Variants in TLK1 observed in about 807,000 individuals in gnomAD.
TLK1 encodes the protein serine/threonine-protein kinase tousled-like 1.
Under a neutral mutation model 105.3 loss-of-function variants are expected in TLK1, and 24 were observed. The observed-to-expected ratio is 0.23, with a 90% CI of 0.17 to 0.32. The LOEUF (loss-of-function observed/expected upper bound fraction) is 0.32. Among genes scored for constraint, TLK1 ranks in the 10% least tolerant of loss-of-function variants. The probability of loss-of-function intolerance (pLI) is 1.00; values close to 1 mark genes in which losing one functional copy is unlikely to be tolerated. For missense variants in TLK1, 558 were observed against 910.5 expected (o/e 0.61, Z 4.98); for synonymous variants, 321 against 310.4 (o/e 1.03, Z -0.36).
chr2:171,000,375 TCAA>T (rs1559333254), intron 18 of TLK1, among the ~76,000 whole-genome samples: 1 of 39,710 alleles, frequency 2.5e-5, no homozygotes, highest in Non-Finnish European at 4.5e-5. Context: ...CGAAACTCTG[TCAA>T]AAAAAAAAAA....
intron 1 of TLK1, among the ~76,000 whole-genome samples, chr2:171,147,377 C>T (rs1221722138): frequency 6.6e-6 from 1 of 152,124 alleles, no homozygotes; most frequent in South Asian, 2.1e-4. Context: ...AAAATACTCG[C>T]CCCCTTTGCC....
At chr2:171,085,873 A>G (rs780707217) in intron 2 of TLK1, among the ~76,000 whole-genome samples, 4 of 152,238 alleles carry the variant, frequency 2.6e-5, no homozygotes, top group African/African-American at 9.6e-5. Context: ...ATGCATGCAA[A>G]GTTAATAGTA....
chr2:171,194,391 T>C (rs1693219752), intron 1 of TLK1, among the ~76,000 whole-genome samples: 1 of 152,252 alleles, frequency 6.6e-6, no homozygotes, highest in African/African-American at 2.4e-5. Context: ...GTGATGTTTT[T>C]TCCCATACAT....
intron 1 of TLK1, among the ~76,000 whole-genome samples, chr2:171,145,339 C>A (rs1470802198): frequency 6.6e-6 from 1 of 151,950 alleles, no homozygotes; most frequent in Non-Finnish European, 1.5e-5. Context: ...CACCTGTAAT[C>A]CCAGCACTTT....
chr2:171,218,264 C>A (rs1055380949), intron 1 of TLK1, among the ~76,000 whole-genome samples: 1 of 151,802 alleles, frequency 6.6e-6, no homozygotes, highest in African/African-American at 2.4e-5. Flanking sequence ...AACAAACAAA[C>A]AAACAACAAC....
At chr2:171,190,221 G>A (rs1693119094) in intron 1 of TLK1, among the ~76,000 whole-genome samples, 1 of 152,174 alleles carries the variant, frequency 6.6e-6, no homozygotes, top group South Asian at 2.1e-4. Context: ...ATCTGTTTAG[G>A]AGGTACACAG....
rs777049271 is a variant in TLK1, at chr2:171,003,273, C to CAAAAAAAAAAAAAAAA, written c.1904+2858_1904+2873dup. Among the ~76,000 whole-genome samples the CAAAAAAAAAAAAAAAA allele has an allele frequency of 8.8e-5, 6 of 68,508 alleles. 1 individual carries two copies. The highest frequency in any genetic ancestry group is 2.5e-4 in the African/African-American group (3 of 12,220). The allele number at this position is 68,508 out of a possible 152,430, so 44.9% of individuals were successfully genotyped here. ...TGGGCGACAGAGCAAGACTCCGTCTCAAAAAAAAAAAAAAAAAAAAAAAAA... is the reference window on the plus strand; with the variant it reads ...TGGGCGACAGAGCAAGACTCCGTCTCAAAAAAAAAAAAAAAAAAAAAAAAAAAAAAAAAAAAAAAAA... On this transcript the variant is annotated intron_variant, in intron 18 of 20. Transcript: ENST00000431350.
At chr2:171,042,337 T>G (rs1055956428) in intron 11 of TLK1, among the ~76,000 whole-genome samples, 1 of 152,160 alleles carries the variant, frequency 6.6e-6, no homozygotes, top group Non-Finnish European at 1.5e-5. Flanking sequence ...ATCAAACTCC[T>G]GGGCTCAAGA....
intron 3 of TLK1, 57 bp downstream of exon 3, chr2:171,082,724 A>G: frequency 7.5e-7 from 1 of 1,328,718 alleles, no homozygotes; most frequent in Non-Finnish European, 1.1e-6. Flanking sequence ...ATACTAATTA[A>G]AACGGTGATT....
chr2:171,023,636 G>A (rs1471356012), intron 12 of TLK1, among the ~76,000 whole-genome samples: 1 of 152,134 alleles, frequency 6.6e-6, no homozygotes, highest in Non-Finnish European at 1.5e-5. Context: ...GCAGTCTCAA[G>A]ACATAGTTAC....
chr2:170,999,289 G>C (rs912610232), intron 18 of TLK1, among the ~76,000 whole-genome samples: 6 of 152,272 alleles, frequency 3.9e-5, no homozygotes, highest in African/African-American at 1.4e-4. Context: ...GCAAGATGTT[G>C]ACAGATCTCT....
chr2:171,105,665 C>T (rs1435299345), intron 2 of TLK1, among the ~76,000 whole-genome samples: 3 of 151,286 alleles, frequency 2.0e-5, no homozygotes, highest in Non-Finnish European at 2.9e-5. Context: ...TCCAGCCTGG[C>T]GACAGAGCGA....
chr2:170,992,113 A>G lies in TLK1; in HGVS notation c.*1667T>C, dbSNP rs778753651. On this transcript the variant is annotated 3_prime_UTR_variant, in exon 21 of 21. Coordinates refer to ENST00000431350, the MANE Select transcript of TLK1 (RefSeq NM_012290.5). Reference sequence around the variant, plus strand: ...GATTTTTAAGTGAAGGAGCTCAGTTAGTCAATATCCTACCATCTTGAAAGC... The same window carrying G: ...GATTTTTAAGTGAAGGAGCTCAGTTGGTCAATATCCTACCATCTTGAAAGC... The G allele has an allele frequency of 3.9e-5, 6 of 152,182 alleles. No individual in the cohort carries two copies. The highest frequency in any genetic ancestry group is 1.3e-4 in the Admixed American group (2 of 15,280). 9.4% of individuals were successfully genotyped at this position (152,182 alleles called of 1,614,324 possible).
chr2:171,009,854 G>A (rs999847869), intron 14 of TLK1, among the ~76,000 whole-genome samples: 4 of 152,152 alleles, frequency 2.6e-5, no homozygotes, highest in African/African-American at 7.2e-5. Context: ...ATGCCAGTAC[G>A]TAATGAAGCA....
At chr2:171,088,192 T>C (rs1183735485) in intron 2 of TLK1, among the ~76,000 whole-genome samples, 4 of 151,728 alleles carry the variant, frequency 2.6e-5, no homozygotes, top group Admixed American at 2.6e-4. Flanking sequence ...ATTAGCCAGA[T>C]GTGGTAGCAT....
intron 12 of TLK1, chr2:171,022,993 T>C (rs1685598585): frequency 2.2e-6 from 1 of 462,746 alleles, no homozygotes; most frequent in Non-Finnish European, 4.5e-6. Flanking sequence ...GTACTTGTTC[T>C]TGACCTGTAA....
intron 1 of TLK1, among the ~76,000 whole-genome samples, chr2:171,202,166 C>G (rs1693415955): frequency 2.0e-5 from 3 of 152,116 alleles, no homozygotes; most frequent in Admixed American, 2.0e-4. Context: ...TAAGAATTTC[C>G]CGGCTCAGGC....
intron 13 of TLK1, among the ~76,000 whole-genome samples, chr2:171,013,804 A>G (rs981463035): frequency 1.3e-5 from 2 of 152,202 alleles, no homozygotes; most frequent in African/African-American, 4.8e-5. Flanking sequence ...ATGAAGCTTT[A>G]AACTACATGA....
intron 8 of TLK1, among the ~76,000 whole-genome samples, chr2:171,052,870 T>C (rs1205837026): frequency 2.0e-5 from 3 of 152,178 alleles, no homozygotes; most frequent in Non-Finnish European, 2.9e-5. Flanking sequence ...ACACCAGTAG[T>C]TCTCAATGCT....
Sources: gnomAD v4.1 joint callset for allele counts (sites outside exome capture counted in the v4.1 genomes callset) on GRCh38, gnomAD v4.1.1 for gene constraint, MANE v1.5 for transcripts, NCBI Gene and HGNC (gene_info 2026-07-23, HGNC 2026-07-21) for gene names.